PCDHGA3: variants seen among roughly 807,000 people sequenced by gnomAD.
PCDHGA3 encodes protocadherin gamma subfamily A, 3.
PCDHGA3 carries 40 observed loss-of-function variants against 58.5 expected under a neutral mutation model. The observed-to-expected ratio is 0.68, with a 90% CI of 0.53 to 0.89. PCDHGA3 has a LOEUF of 0.89. Among genes scored for constraint, PCDHGA3 ranks in the 40% least tolerant of loss-of-function variants. The pLI, the probability that PCDHGA3 is intolerant of heterozygous loss-of-function variation, is 0.00. For synonymous variants in PCDHGA3, 530 were observed against 525.7 expected (o/e 1.01, Z -0.11); for missense variants, 1,223 against 1,195.9 (o/e 1.02, Z -0.33).
In PCDHGA3 at chr5:141,355,590, AC is replaced by A. The variant is rs1262542114; in HGVS notation, c.2424+9136del. On this transcript the variant is annotated intron_variant, in intron 1 of 3. Coordinates refer to ENST00000253812, the MANE Select transcript of PCDHGA3 (RefSeq NM_018916.4). ...AAATAATCGATGTTAATGATAACCC[AC>A]CCAGTTTTGGGACAGAACAGAGGGA... 3 of 1,613,952 alleles carry A rather than the reference AC, an allele frequency of 1.9e-6. No homozygotes were observed. In the South Asian group the frequency reaches 3.3e-5, roughly 18 times the overall value.
intron 3 of PCDHGA3, among the ~76,000 whole-genome samples, chr5:141,508,871 A>T (rs981330486): frequency 5.3e-5 from 8 of 152,062 alleles, no homozygotes; most frequent in East Asian, 3.9e-4. Flanking sequence ...AAGGCTGAAG[A>T]GGCTGACGGC....
rs2099411033 is a variant in PCDHGA3, at chr5:141,477,423, C to T, written c.2425-17384C>T. ...ACCGCCCGAGACGCCGGAACCCCTT[C>T]CCTCTCAGCCCTTACAATAGTGCGT... On this transcript the variant is annotated intron_variant, in intron 1 of 3. Coordinates refer to ENST00000253812, the MANE Select transcript of PCDHGA3 (RefSeq NM_018916.4). This position sits in a 1 kb window ranked among gnomAD's most constrained non-coding sequence, Gnocchi z 4.9. 1.9e-6 allele frequency: 3 copies of T among 1,614,196 alleles called. No individual in the cohort carries two copies. The highest frequency in any genetic ancestry group is 2.2e-5 in the East Asian group (1 of 44,882).
At chr5:141,368,563 T>C (rs1228765550) in intron 1 of PCDHGA3, among the ~76,000 whole-genome samples, 1 of 152,184 alleles carries the variant, frequency 6.6e-6, no homozygotes, top group Non-Finnish European at 1.5e-5. Context: ...GAAAATGTTA[T>C]ATGCTTCTTA....
At chr5:141,364,533 C>T (rs1296809092) in intron 1 of PCDHGA3, 2 of 1,614,094 alleles carry the variant, frequency 1.2e-6, no homozygotes, top group Non-Finnish European at 1.7e-6. Flanking sequence ...CGCATCGTCT[C>T]CAGAGGTAGG....
chr5:141,409,233 G>A, intron 1 of PCDHGA3: 2 of 1,614,008 alleles, frequency 1.2e-6, no homozygotes, highest in Non-Finnish European at 1.7e-6. Flanking sequence ...AACGACAACA[G>A]CCCAGAAATA....
In PCDHGA3 at chr5:141,400,695, G is replaced by A. The variant is rs187552551; in HGVS notation, c.2424+54238G>A. On this transcript the variant is annotated intron_variant, in intron 1 of 3. Transcript: ENST00000253812. The stretch of plus-strand genomic sequence containing the variant: ...GCAGTAAATTGTGAGTTTTTATGTC[G>A]CATAAAAGAAGTAGCCTTATAGATT... 1.8e-5 allele frequency: 14 copies of A among 759,510 alleles called. No homozygotes were observed. The Admixed American group carries it at 4.0e-4, about 22-fold the overall frequency. The allele number at this position is 759,510 out of a possible 1,614,324, so 47.0% of individuals were successfully genotyped here.
chr5:141,351,801 G>A, intron 1 of PCDHGA3: 1 of 1,613,308 alleles, frequency 6.2e-7, no homozygotes, highest in Non-Finnish European at 8.5e-7. Flanking sequence ...TTCGCGCAGC[G>A]CGCCTTCGAC....
intron 1 of PCDHGA3, chr5:141,410,849 C>CTTTTTTTTTTTTTTTTTTGTTTTTTTT (rs2095435748): frequency 1.5e-5 from 2 of 129,786 alleles, no homozygotes; most frequent in Non-Finnish European, 2.6e-5. Context: ...TTGTCTTTGT[C>CTTTTTTTTTTTTTTTTTTGTTTTTTTT]TTTTTTTTTT....
At chr5:141,404,126 T>G in intron 1 of PCDHGA3, 1 of 1,613,316 alleles carries the variant, frequency 6.2e-7, no homozygotes, top group Non-Finnish European at 8.5e-7. Context: ...GAATCTATCT[T>G]TTACATTAGA....
At chr5:141,421,651 A>C in intron 1 of PCDHGA3, 1 of 1,613,868 alleles carries the variant, frequency 6.2e-7, no homozygotes, top group Non-Finnish European at 8.5e-7. Flanking sequence ...AGTGGAGATA[A>C]AAGTCAGTGA....
At chr5:141,498,796 G>A (rs1160540093) in intron 2 of PCDHGA3, among the ~76,000 whole-genome samples, 1 of 152,032 alleles carries the variant, frequency 6.6e-6, no homozygotes, top group Non-Finnish European at 1.5e-5. Context: ...AGCCAGGTGT[G>A]GTGGTGCACA....
rs774471563 is a variant in PCDHGA3, at chr5:141,365,988, T to A, written c.2424+19531T>A. The A allele has an allele frequency of 5.6e-6, 9 of 1,614,268 alleles. No individual in the cohort carries two copies. The South Asian group carries it at 9.9e-5, about 18-fold the overall frequency. The stretch of plus-strand genomic sequence containing the variant: ...AACGTGTCGCTGAGCCTGTTTGTGC[T>A]GGACCAGAACGACAATACGCCTGAG... On this transcript the variant is annotated intron_variant, in intron 1 of 3. Coordinates refer to ENST00000253812, the MANE Select transcript of PCDHGA3 (RefSeq NM_018916.4).
chr5:141,390,556 CAGTTGTTGG>C, intron 1 of PCDHGA3: 2 of 454,162 alleles, frequency 4.4e-6, no homozygotes, highest in Admixed American at 3.9e-5. Flanking sequence ...AAGTGTTAGA[CAGTTGTTGG>C]CTCTCTCCTA....
chr5:141,360,462 C>T, intron 1 of PCDHGA3: 1 of 1,613,902 alleles, frequency 6.2e-7, no homozygotes, highest in South Asian at 1.1e-5. Context: ...TCGATACTGT[C>T]GCTGAAAATC....
intron 1 of PCDHGA3, among the ~76,000 whole-genome samples, chr5:141,382,076 G>T (rs185685959): frequency 6.6e-6 from 1 of 152,032 alleles, no homozygotes; most frequent in Non-Finnish European, 1.5e-5. Context: ...TGATCCGCCC[G>T]CCTCGGCCTC....
At chr5:141,474,106 A>G (rs1334111464) in intron 1 of PCDHGA3, among the ~76,000 whole-genome samples, 1 of 152,108 alleles carries the variant, frequency 6.6e-6, no homozygotes, top group African/African-American at 2.4e-5. Flanking sequence ...CAACAAAAAC[A>G]ACAACAACGA....
chr5:141,346,287 A>G lies in PCDHGA3; in HGVS notation c.2254A>G (p.Thr752Ala), dbSNP rs1561492062. The G allele has an allele frequency of 6.2e-7, 1 of 1,614,106 alleles. No homozygotes were observed. The highest frequency in any genetic ancestry group is 8.5e-7 in the Non-Finnish European group (1 of 1,180,020). The change falls in exon 1 of 4, where the codon ACC (threonine) becomes GCC (alanine). Residue 752 changes from threonine to alanine, a missense_variant. This residue lies in a region of PCDHGA3 where 325 missense variants were observed against 327.5 expected (regional missense o/e 0.99). Coordinates refer to ENST00000253812, the MANE Select transcript of PCDHGA3 (RefSeq NM_018916.4). ...GGACGGGGTTCGGGCTTTCCTGCAG[A>G]CCTATTCCCACGAGGTCTCCCTCAC... ...GADGVRAFLQ[T>A]YSHEVSLTAD...
chr5:141,375,174 C>A (rs765614006), intron 1 of PCDHGA3: 3 of 1,614,006 alleles, frequency 1.9e-6, no homozygotes, highest in Non-Finnish European at 2.5e-6. Context: ...CCTCCAGGAA[C>A]AGTAATCGCC....
intron 1 of PCDHGA3, chr5:141,415,384 A>C: frequency 1.9e-6 from 3 of 1,614,180 alleles, no homozygotes; most frequent in Non-Finnish European, 2.5e-6. Flanking sequence ...AGGCGGCTTG[A>C]CAGGTGTGTC....
Sources: gnomAD v4.1 joint callset for allele counts (sites outside exome capture counted in the v4.1 genomes callset) on GRCh38, gnomAD v4.1.1 for gene constraint, gnomAD v4.1.1 regional missense constraint, Gnocchi (gnomAD v3.1) non-coding constraint, MANE v1.5 for transcripts, NCBI Gene and HGNC (gene_info 2026-07-23, HGNC 2026-07-21) for gene names.